PPP2R2B: variants seen among roughly 807,000 people sequenced by gnomAD.
The protein encoded by PPP2R2B is protein phosphatase 2 regulatory subunit Bbeta, also known as serine/threonine-protein phosphatase 2A 55 kDa regulatory subunit B beta isoform.
PPP2R2B carries 5 observed loss-of-function variants against 46.0 expected under a neutral mutation model. That is an observed-to-expected ratio of 0.11 (90% CI 0.06 to 0.23). PPP2R2B has a LOEUF of 0.23. Among genes scored for constraint, PPP2R2B ranks in the 10% least tolerant of loss-of-function variants. The probability of loss-of-function intolerance (pLI) is 1.00; values close to 1 mark genes in which losing one functional copy is unlikely to be tolerated. For missense variants in PPP2R2B, 367 were observed against 575.0 expected (o/e 0.64, Z 3.70); for synonymous variants, 215 against 206.7 (o/e 1.04, Z -0.34).
intron 2 of PPP2R2B, among the ~76,000 whole-genome samples, chr5:146,776,067 G>A (rs1415527424): frequency 6.6e-6 from 1 of 152,042 alleles, no homozygotes; most frequent in African/African-American, 2.4e-5. Flanking sequence ...TGGTATATCT[G>A]TTCAAAGTGA....
intron 2 of PPP2R2B, among the ~76,000 whole-genome samples, chr5:146,788,154 G>A (rs751110150): frequency 1.3e-5 from 2 of 152,018 alleles, no homozygotes; most frequent in Non-Finnish European, 2.9e-5. Context: ...CATGTGGTTC[G>A]GATATATAGT....
At chr5:146,805,011 G>T (rs1176236691) in intron 2 of PPP2R2B, among the ~76,000 whole-genome samples, 1 of 152,140 alleles carries the variant, frequency 6.6e-6, no homozygotes, top group Non-Finnish European at 1.5e-5. Context: ...TCCCAAGATG[G>T]CACCATAAAC....
intron 1 of PPP2R2B, among the ~76,000 whole-genome samples, chr5:146,915,687 T>C (rs2151809939): frequency 6.6e-6 from 1 of 152,320 alleles, no homozygotes; most frequent in East Asian, 1.9e-4. Context: ...CTGGCCTTTG[T>C]TCCTTTCCAG....
At chr5:146,603,333 TATA>T (rs1346465932) in intron 7 of PPP2R2B, among the ~76,000 whole-genome samples, 35 of 152,262 alleles carry the variant, frequency 2.3e-4, no homozygotes, top group African/African-American at 8.0e-4. Flanking sequence ...AAATCTATTT[TATA>T]ATGTTTAAAT....
chr5:146,686,145 T>C (rs1200067969), intron 5 of PPP2R2B, among the ~76,000 whole-genome samples: 2 of 152,236 alleles, frequency 1.3e-5, no homozygotes, highest in Non-Finnish European at 2.9e-5. Context: ...CATTTCTGTG[T>C]AATCTGTTCA....
chr5:146,615,515 T>TGAAAAAAAAAAAAAAA, intron 7 of PPP2R2B, among the ~76,000 whole-genome samples: 1 of 71,036 alleles, frequency 1.4e-5, no homozygotes, highest in South Asian at 4.7e-4. Context: ...AAAAAAAAAT[T>TGAAAAAAAAAAAAAAA]AAAAAAAAAA....
chr5:146,808,637 G>GTTGCCAGAC, intron 2 of PPP2R2B, among the ~76,000 whole-genome samples: 1 of 152,168 alleles, frequency 6.6e-6, no homozygotes, highest in African/African-American at 2.4e-5. Flanking sequence ...TCTGGCGTGT[G>GTTGCCAGAC]TTGCCAGCCT....
In PPP2R2B at chr5:146,701,075, A is replaced by AC. The variant is rs1779507082; in HGVS notation, c.137dup (p.Arg47SerfsTer12). 1 of 1,613,288 alleles carries AC rather than the reference A, an allele frequency of 6.2e-7. No homozygotes were observed. Among genetic ancestry groups the AC allele is most frequent in the Non-Finnish European group, 8.5e-7 (1 of 1,179,672 alleles). On this transcript the variant is annotated frameshift_variant, in exon 3 of 10. Coordinates refer to ENST00000394411, the MANE Select transcript of PPP2R2B (RefSeq NM_181675.4). LOFTEE classifies it high-confidence loss of function. ...GCTCTCGTTGAAATATTACAACCCG[A>AC]CCCCCCTTGTCCCCTGTCGCTAGTA... is the stretch of plus-strand genomic sequence containing the variant.
chr5:146,785,453 TA>T, intron 2 of PPP2R2B, among the ~76,000 whole-genome samples: 1 of 152,046 alleles, frequency 6.6e-6, no homozygotes, highest in South Asian at 2.1e-4. Context: ...GAGGCTGAGG[TA>T]GGAGGATCAC....
rs1770358607 is a variant in PPP2R2B, at chr5:146,589,308, T to G, written c.*639A>C. On this transcript the variant is annotated 3_prime_UTR_variant, in exon 10 of 10. Transcript: ENST00000394411. ...TCCCTAGCCAAATTCTCAGGCTGTT[T>G]CTATGGAGCTTACAAAAAAAGAGCA... The G allele has an allele frequency of 1.3e-5, 2 of 152,380 alleles. No homozygotes were observed. Among genetic ancestry groups the G allele is most frequent in the Non-Finnish European group, 2.9e-5 (2 of 68,176 alleles). 9.4% of individuals were successfully genotyped at this position (152,380 alleles called of 1,614,324 possible).
intron 1 of PPP2R2B, among the ~76,000 whole-genome samples, chr5:147,022,746 T>G: frequency 6.6e-6 from 1 of 151,924 alleles, no homozygotes. Flanking sequence ...GAATACACAT[T>G]AAGAATTACC....
chr5:146,923,103 G>A (rs1374327888), intron 1 of PPP2R2B, among the ~76,000 whole-genome samples: 1 of 152,110 alleles, frequency 6.6e-6, no homozygotes, highest in East Asian at 1.9e-4. Flanking sequence ...AGGTTTTTCC[G>A]CTACATGAGA....
intron 2 of PPP2R2B, among the ~76,000 whole-genome samples, chr5:146,708,186 T>G (rs1469217690): frequency 6.6e-6 from 1 of 151,962 alleles, no homozygotes; most frequent in African/African-American, 2.4e-5. Context: ...TGAAACACCA[T>G]TTCTACCAAA....
At chr5:146,902,019 G>GA (rs1385367364) in intron 1 of PPP2R2B, among the ~76,000 whole-genome samples, 5 of 152,100 alleles carry the variant, frequency 3.3e-5, no homozygotes, top group Non-Finnish European at 7.4e-5. Context: ...AAAGTGTGAT[G>GA]AAAAAATCTC....
chr5:146,629,916 C>T (rs141246734), intron 7 of PPP2R2B, among the ~76,000 whole-genome samples: 3,187 of 152,224 alleles, frequency 0.021, 51 homozygotes, highest in Admixed American at 0.064. Context: ...CAGGTTCAAG[C>T]GATTCTCCTA....
rs187467032 is a variant in PPP2R2B, at chr5:146,954,697, T to C, written c.79+100968A>G. Among the ~76,000 whole-genome samples the C allele has an allele frequency of 2.7e-3, 405 of 151,872 alleles. 1 individual carries two copies. The highest frequency in any genetic ancestry group is 3.9e-3 in the Non-Finnish European group (268 of 67,954). The stretch of plus-strand genomic sequence containing the variant: ...GAAATGAAAAGAGAGCCGAGATCTT[T>C]AGAGAAACACACGCACCAGTACATA... On this transcript the variant is annotated intron_variant, in intron 1 of 8. Transcript: ENST00000336640.
intron 2 of PPP2R2B, among the ~76,000 whole-genome samples, chr5:146,840,754 A>T (rs1425178085): frequency 1.3e-5 from 2 of 152,254 alleles, no homozygotes; most frequent in Non-Finnish European, 2.9e-5. Flanking sequence ...TATATGTAGC[A>T]TAGAAATCAA....
At chr5:146,643,591 G>A (rs1581778594) in intron 6 of PPP2R2B, among the ~76,000 whole-genome samples, 7 of 152,168 alleles carry the variant, frequency 4.6e-5, no homozygotes, top group Admixed American at 4.6e-4. Context: ...GACTCAGGGG[G>A]AAAGGGTGGG....
intron 1 of PPP2R2B, among the ~76,000 whole-genome samples, chr5:147,042,511 T>C (rs1298513187): frequency 6.6e-6 from 1 of 152,202 alleles, no homozygotes; most frequent in Non-Finnish European, 1.5e-5. Context: ...TTATGGTAGC[T>C]AACATTTGGA....
Sources: gnomAD v4.1 joint callset for allele counts (sites outside exome capture counted in the v4.1 genomes callset) on GRCh38, gnomAD v4.1.1 for gene constraint, MANE v1.5 for transcripts, NCBI Gene and HGNC (gene_info 2026-07-23, HGNC 2026-07-21) for gene names.